EPHX2: variants seen among roughly 807,000 people sequenced by gnomAD.
The protein encoded by EPHX2 is epoxide hydrolase 2, also known as bifunctional epoxide hydrolase 2.
In EPHX2, 74 loss-of-function variants were observed where a neutral mutation model predicts 78.7. The ratio of observed to expected loss-of-function variants is 0.94; its 90% CI spans 0.78 to 1.14. The LOEUF is 1.14. Ranked by LOEUF, EPHX2 falls within the 50% of genes most tolerant of loss-of-function variation. EPHX2 has a pLI of 0.00. For synonymous variants in EPHX2, 251 were observed against 255.2 expected (o/e 0.98, Z 0.16); for missense variants, 715 against 702.5 (o/e 1.02, Z -0.20).
intron 12 of EPHX2, among the ~76,000 whole-genome samples, chr8:27,534,175 T>C (rs534461785): frequency 6.6e-6 from 1 of 152,336 alleles, no homozygotes; most frequent in East Asian, 1.9e-4. Context: ...AGGCCGCCAT[T>C]GGCACCATTA....
chr8:27,541,811 C>A (rs1444713189), intron 16 of EPHX2, among the ~76,000 whole-genome samples: 4 of 152,108 alleles, frequency 2.6e-5, no homozygotes, highest in African/African-American at 4.8e-5. Flanking sequence ...CCGGAATCCC[C>A]AGGTCCCCTG....
At chr8:27,520,166 TA>T (rs1463607339) in intron 9 of EPHX2, among the ~76,000 whole-genome samples, 3 of 151,080 alleles carry the variant, frequency 2.0e-5, no homozygotes, top group Non-Finnish European at 4.4e-5. Context: ...TTTTTAATTT[TA>T]TTTTTTTTAT....
At chr8:27,542,392 T>G (rs1037128483) in intron 16 of EPHX2, among the ~76,000 whole-genome samples, 4 of 152,198 alleles carry the variant, frequency 2.6e-5, no homozygotes, top group Non-Finnish European at 5.9e-5. Flanking sequence ...TTCTGCAATA[T>G]GCAAGTGGCA....
chr8:27,546,252 C>T (rs954002724), downstream of EPHX2, among the ~76,000 whole-genome samples: 1 of 152,108 alleles, frequency 6.6e-6, no homozygotes, highest in African/African-American at 2.4e-5. Flanking sequence ...GCCCCAGTTC[C>T]CTCATCTATA....
intron 5 of EPHX2, among the ~76,000 whole-genome samples, chr8:27,510,270 A>T (rs1489620973): frequency 2.0e-5 from 3 of 152,236 alleles, no homozygotes; most frequent in Non-Finnish European, 4.4e-5. Flanking sequence ...CAGCAGTAGG[A>T]TTCACAGCGT....
chr8:27,543,745 C>T lies in EPHX2; in HGVS notation c.1450-4C>T, dbSNP rs745701010. ...GCCACTTCTGTTTCCTGTTCTCCCC[C>T]CAGATCCTGATTCCGGCCCTGATGG... On this transcript the variant is annotated splice_polypyrimidine_tract_variant and splice_region_variant and intron_variant, in intron 16 of 18. Transcript: ENST00000521400. The T allele has an allele frequency of 4.2e-5, 68 of 1,613,812 alleles. No homozygotes were observed. Among genetic ancestry groups the T allele is most frequent in the Non-Finnish European group, 5.8e-5 (68 of 1,179,966 alleles).
At chr8:27,546,203 C>T (rs547734520), downstream of EPHX2, among the ~76,000 whole-genome samples, 48 of 152,036 alleles carry the variant, frequency 3.2e-4, no homozygotes, top group African/African-American at 1.1e-3. Context: ...CTCCGGTCAG[C>T]TGCATACTCG....
intron 6 of EPHX2, among the ~76,000 whole-genome samples, chr8:27,514,002 G>T (rs1166760009): frequency 6.6e-6 from 1 of 152,212 alleles, no homozygotes; most frequent in Non-Finnish European, 1.5e-5. Context: ...GAGCAAAATA[G>T]CTTGTTGGGA....
intron 6 of EPHX2, among the ~76,000 whole-genome samples, chr8:27,514,844 G>A (rs1288484158): frequency 6.6e-6 from 1 of 152,162 alleles, no homozygotes; most frequent in Non-Finnish European, 1.5e-5. Context: ...ATGCTACCAT[G>A]TGTCTGGAAG....
At chr8:27,532,013 C>A (rs186181566) in intron 12 of EPHX2, among the ~76,000 whole-genome samples, 1 of 152,140 alleles carries the variant, frequency 6.6e-6, no homozygotes, top group Non-Finnish European at 1.5e-5. Context: ...TCTGGGGGCT[C>A]CTCTGACAGT....
At chr8:27,536,699 C>T in intron 12 of EPHX2, 85 bp from the exon 13 acceptor site, 1 of 1,431,486 alleles carries the variant, frequency 7.0e-7, no homozygotes, top group South Asian at 1.2e-5. Context: ...AGGTAGGGTG[C>T]TTGTTGCTTT....
intron 1 of EPHX2, among the ~76,000 whole-genome samples, chr8:27,498,828 T>G (rs544554543): frequency 1.3e-5 from 2 of 152,336 alleles, no homozygotes; most frequent in Admixed American, 6.5e-5. Flanking sequence ...AACTGTAAAT[T>G]TACTGCAAAT....
chr8:27,534,328 C>T (rs1272670798), intron 12 of EPHX2, among the ~76,000 whole-genome samples: 2 of 152,130 alleles, frequency 1.3e-5, no homozygotes, highest in Non-Finnish European at 2.9e-5. Flanking sequence ...ATCCAGAGCT[C>T]TCGTGAGGAG....
At chr8:27,525,122 G>A (rs868566248) in intron 11 of EPHX2, among the ~76,000 whole-genome samples, 36 of 150,460 alleles carry the variant, frequency 2.4e-4, no homozygotes, top group East Asian at 9.8e-4. Flanking sequence ...GCGCGCGCGC[G>A]CACCTATGTG....
At chr8:27,533,325 A>G (rs1815106481) in intron 12 of EPHX2, among the ~76,000 whole-genome samples, 1 of 152,158 alleles carries the variant, frequency 6.6e-6, no homozygotes, top group Non-Finnish European at 1.5e-5. Context: ...TTGGATTCTA[A>G]AGTCCATCCT....
At chr8:27,509,353 T>C (rs1344501621) in intron 5 of EPHX2, among the ~76,000 whole-genome samples, 2 of 152,224 alleles carry the variant, frequency 1.3e-5, no homozygotes, top group Non-Finnish European at 2.9e-5. Flanking sequence ...TGCATGTATC[T>C]CTTTGAGACC....
At chr8:27,547,481 G>T (rs1046675030), downstream of EPHX2, among the ~76,000 whole-genome samples, 3 of 152,220 alleles carry the variant, frequency 2.0e-5, no homozygotes, top group Non-Finnish European at 4.4e-5. Flanking sequence ...ACATAGTGAT[G>T]TTTTGATACA....
At chr8:27,492,995 G>A (rs1813436755) in intron 1 of EPHX2, 2 of 154,562 alleles carry the variant, frequency 1.3e-5, no homozygotes, top group South Asian at 3.8e-4. Context: ...GTCCTCCAGA[G>A]GGGAACTCTC....
chr8:27,534,706 C>T (rs184520393), intron 12 of EPHX2, among the ~76,000 whole-genome samples: 1 of 152,278 alleles, frequency 6.6e-6, no homozygotes, highest in Admixed American at 6.5e-5. Context: ...CTGCAGGTCG[C>T]TGGAACGAAA....
Sources: allele counts gnomAD v4.1 joint callset (sites outside exome capture counted in the v4.1 genomes callset), GRCh38; gene constraint gnomAD v4.1.1; transcripts MANE v1.5; gene names NCBI Gene and HGNC (gene_info 2026-07-23, HGNC 2026-07-21).